The following SATB1 variants were observed in gnomAD, a reference collection of about 807,000 sequenced individuals.
SATB1 encodes the protein SATB homeobox 1.
SATB1 carries 11 observed loss-of-function variants against 86.9 expected under a neutral mutation model. That is an observed-to-expected ratio of 0.13 (90% CI 0.08 to 0.21). The LOEUF (loss-of-function observed/expected upper bound fraction) is 0.21. Among genes scored for constraint, SATB1 ranks in the 10% least tolerant of loss-of-function variants. The pLI is 1.00. For missense variants in SATB1, 551 were observed against 937.6 expected (o/e 0.59, Z 5.39); for synonymous variants, 357 against 357.2 (o/e 1.00, Z 0.01).
At chr3:18,365,371 G>A (rs926625497) in intron 9 of SATB1, among the ~76,000 whole-genome samples, 2 of 151,330 alleles carry the variant, frequency 1.3e-5, no homozygotes, top group African/African-American at 4.8e-5. Flanking sequence ...TTTCCAAATA[G>A]AAGGAGATAA....
intron 5 of SATB1, among the ~76,000 whole-genome samples, chr3:18,403,518 G>A (rs1219982021): frequency 6.6e-6 from 1 of 151,974 alleles, no homozygotes; most frequent in Non-Finnish European, 1.5e-5. Context: ...AAAATTTCAT[G>A]GTTCTACCTG....
chr3:18,394,676 T>A lies in SATB1; in HGVS notation c.992A>T (p.Tyr331Phe), dbSNP rs1696869176. The stretch of plus-strand genomic sequence containing the variant: ...CTGGGCTAAAAGTCTATTCACTGCA[T>A]ACTGCTGGTTCAGCAGCTGAGCCAT... ...LVMAQLLNQQ[Y>F]AVNRLLAQQS... Residue 331 changes from tyrosine to phenylalanine, a missense_variant, in exon 7 of 11, where the codon TAT becomes TTT. Transcript: ENST00000338745. The surrounding 1 kb of genome is among the most constrained non-coding windows in gnomAD (Gnocchi z 5.9). 1 of 1,614,172 alleles carries A rather than the reference T, an allele frequency of 6.2e-7. No individual in the cohort carries two copies. The highest frequency in any genetic ancestry group is 8.5e-7 in the Non-Finnish European group (1 of 1,180,024).
intron 2 of SATB1, among the ~76,000 whole-genome samples, chr3:18,430,753 A>G (rs1456745397): frequency 6.6e-6 from 1 of 152,246 alleles, no homozygotes; most frequent in Non-Finnish European, 1.5e-5. Context: ...TCCCCTAAGA[A>G]GTTGAGTTTC....
Position 18,386,670 on chromosome 3 carries a change from G to T in SATB1, c.1207-59C>A. 7.3e-7 allele frequency: 1 copy of T among 1,362,188 alleles called. No homozygotes were observed. Among genetic ancestry groups the T allele is most frequent in the South Asian group, 1.2e-5 (1 of 84,906 alleles). 84.4% of individuals were successfully genotyped at this position (1,362,188 alleles called of 1,614,324 possible). The stretch of plus-strand genomic sequence containing the variant: ...TGCCTTGCTTTGCCTGGCCAGCAGT[G>T]ATCCTTCCCTTTTCTTCTCCACTCT... On this transcript the variant is annotated intron_variant, in intron 7 of 10. Transcript: ENST00000338745. This position sits in a 1 kb window ranked among gnomAD's most constrained non-coding sequence, Gnocchi z 4.5.
At chr3:18,368,941 G>GT (rs1695319300) in intron 9 of SATB1, among the ~76,000 whole-genome samples, 2 of 151,936 alleles carry the variant, frequency 1.3e-5, no homozygotes, top group Admixed American at 1.3e-4. Context: ...TCCGAGACTG[G>GT]TGATAACTTT....
intron 5 of SATB1, among the ~76,000 whole-genome samples, chr3:18,405,830 T>A (rs1697504832): frequency 6.6e-6 from 1 of 151,990 alleles, no homozygotes; most frequent in Non-Finnish European, 1.5e-5. Flanking sequence ...GTTTTATTCA[T>A]CATTGTCAGC....
At chr3:18,363,452 T>C (rs1695020484) in intron 9 of SATB1, among the ~76,000 whole-genome samples, 1 of 152,066 alleles carries the variant, frequency 6.6e-6, no homozygotes, top group Admixed American at 6.5e-5. Context: ...ATTTTACCAA[T>C]AAAAGGAGAC....
rs1000558817 is a variant in SATB1 at position 18,405,579 on chromosome 3, A to AT, written c.640-8290dup. ...TTCCTTCTGTACAGGAGCATATTAG[A>AT]TTTTTAAGCCATACTGCCTAAAAAT... On this transcript the variant is annotated intron_variant, in intron 5 of 10. Coordinates refer to ENST00000338745, the MANE Select transcript of SATB1 (RefSeq NM_002971.6). Among the ~76,000 whole-genome samples, 84 of 152,118 alleles carry AT rather than the reference A, an allele frequency of 5.5e-4. 1 individual carries two copies. Among genetic ancestry groups the AT allele is most frequent in the African/African-American group, 1.9e-3 (81 of 41,546 alleles).
At chr3:18,411,952 C>T (rs762682554) in intron 5 of SATB1, among the ~76,000 whole-genome samples, 1 of 151,846 alleles carries the variant, frequency 6.6e-6, no homozygotes, top group Non-Finnish European at 1.5e-5. Flanking sequence ...TCAAAGAAAA[C>T]ATTATTGTAC....
chr3:18,370,493 A>C (rs1364104174), intron 9 of SATB1, among the ~76,000 whole-genome samples: 2 of 148,082 alleles, frequency 1.4e-5, no homozygotes, highest in Non-Finnish European at 3.0e-5. Flanking sequence ...GTTAACTGAC[A>C]ATATGGGACA....
chr3:18,363,000 A>G (rs982607261), intron 9 of SATB1, among the ~76,000 whole-genome samples: 3 of 152,178 alleles, frequency 2.0e-5, no homozygotes, highest in Non-Finnish European at 4.4e-5. Flanking sequence ...ATTTGGATAA[A>G]TATTTCTGCC....
chr3:18,435,714 G>A (rs545045174), intron 2 of SATB1, among the ~76,000 whole-genome samples: 4 of 152,076 alleles, frequency 2.6e-5, no homozygotes, highest in Non-Finnish European at 5.9e-5. Flanking sequence ...CAAGCCAGTA[G>A]TAATACAATA....
chr3:18,375,577 T>TAA (rs1424250567), intron 9 of SATB1, among the ~76,000 whole-genome samples: 1 of 152,166 alleles, frequency 6.6e-6, no homozygotes, highest in Non-Finnish European at 1.5e-5. Context: ...TTTTGACCAT[T>TAA]AAAAAGGTCA....
chr3:18,357,250 A>G (rs903738881), intron 9 of SATB1, among the ~76,000 whole-genome samples: 1 of 151,858 alleles, frequency 6.6e-6, no homozygotes, highest in Non-Finnish European at 1.5e-5. Flanking sequence ...TCTAAATAGG[A>G]AAGTATTTGA....
intron 1 of SATB1, chr3:18,445,367 G>A: frequency 1.0e-6 from 1 of 985,052 alleles, no homozygotes; most frequent in Non-Finnish European, 1.2e-6. Flanking sequence ...GGGGGGCGGC[G>A]GGCCGGAGGG....
At position 18,425,202 on chromosome 3, in the gene SATB1, T is replaced by C; in HGVS notation, c.-1600A>G. 1 of 164,470 alleles carries C rather than the reference T, an allele frequency of 6.1e-6. No homozygotes were observed. The highest frequency in any genetic ancestry group is 6.5e-5 in the Admixed American group (1 of 15,436). 10.2% of individuals were successfully genotyped at this position (164,470 alleles called of 1,614,324 possible). On this transcript the variant is annotated 5_prime_UTR_variant, in exon 1 of 11. Coordinates refer to ENST00000338745, the MANE Select transcript of SATB1 (RefSeq NM_002971.6). ...GGTGCCTCTTCTTCCTCCTCCTCATTTTAATACAAAATCACCCCGCTCGCA... is the reference window on the plus strand; with the variant it reads ...GGTGCCTCTTCTTCCTCCTCCTCATCTTAATACAAAATCACCCCGCTCGCA...
upstream of SATB1, among the ~76,000 whole-genome samples, chr3:18,429,683 ACT>A (rs1698825684): frequency 6.6e-6 from 1 of 152,090 alleles, no homozygotes; most frequent in Non-Finnish European, 1.5e-5. The surrounding 1 kb of genome is among the most constrained non-coding windows in gnomAD (Gnocchi z 4.1). Context: ...CTCTGATTAA[ACT>A]CTCTGACTAA....
At chr3:18,377,828 C>A (rs1695842035) in intron 9 of SATB1, among the ~76,000 whole-genome samples, 1 of 152,098 alleles carries the variant, frequency 6.6e-6, no homozygotes, top group Non-Finnish European at 1.5e-5. Context: ...TAAAGATCAT[C>A]TAAGCAATAA....
intron 7 of SATB1, among the ~76,000 whole-genome samples, chr3:18,392,146 A>C (rs1696709599): frequency 6.6e-6 from 1 of 152,160 alleles, no homozygotes; most frequent in Admixed American, 6.5e-5. Context: ...ATTAATAAGG[A>C]GGTATCTGCA....
Sources: gnomAD v4.1 joint callset for allele counts (sites outside exome capture counted in the v4.1 genomes callset) on GRCh38, gnomAD v4.1.1 for gene constraint, Gnocchi (gnomAD v3.1) non-coding constraint, MANE v1.5 for transcripts, NCBI Gene and HGNC (gene_info 2026-07-23, HGNC 2026-07-21) for gene names.